DUS2: variants seen among roughly 807,000 people sequenced by gnomAD.
The protein encoded by DUS2 is dihydrouridine synthase 2.
DUS2 carries 52 observed loss-of-function variants against 71.3 expected under a neutral mutation model. The ratio of observed to expected loss-of-function variants is 0.73; its 90% CI spans 0.58 to 0.92. The LOEUF (loss-of-function observed/expected upper bound fraction) is 0.92, where lower values mean the gene tolerates loss of function less well. DUS2 is among the 40% of genes least tolerant of loss of function. The probability of loss-of-function intolerance (pLI) is 0.00; values close to 1 mark genes in which losing one functional copy is unlikely to be tolerated. For synonymous variants in DUS2, 204 were observed against 227.8 expected (o/e 0.90, Z 0.94); for missense variants, 558 against 622.6 (o/e 0.90, Z 1.10).
At chr16:68,059,837 A>G (rs963775570) in intron 7 of DUS2, among the ~76,000 whole-genome samples, 6 of 152,192 alleles carry the variant, frequency 3.9e-5, no homozygotes, top group African/African-American at 1.4e-4. Flanking sequence ...AATTAATACC[A>G]TTGTCTAGAA....
At chr16:68,074,443 C>T (rs1322245662) in intron 13 of DUS2, among the ~76,000 whole-genome samples, 4 of 152,200 alleles carry the variant, frequency 2.6e-5, no homozygotes, top group African/African-American at 9.7e-5. Context: ...GGCCAGGCCC[C>T]CAGGAACCAG....
At chr16:68,061,273 T>A (rs932506285) in intron 8 of DUS2, among the ~76,000 whole-genome samples, 160 bp downstream of exon 8, 1 of 152,202 alleles carries the variant, frequency 6.6e-6, no homozygotes. Flanking sequence ...GATTTTGACA[T>A]GCAGCTAAGT....
chr16:68,023,291 T>C lies in DUS2; in HGVS notation c.-159T>C. 1.4e-6 allele frequency: 2 copies of C among 1,417,086 alleles called. No homozygotes were observed. The highest frequency in any genetic ancestry group is 9.5e-7 in the Non-Finnish European group (1 of 1,051,712). 87.8% of individuals were successfully genotyped at this position (1,417,086 alleles called of 1,614,324 possible). A position where few individuals can be genotyped will look rare whatever the true frequency, so the allele number is the denominator to read the frequency against. On this transcript the variant is annotated 5_prime_UTR_variant, in exon 1 of 17. Transcript: ENST00000565263. ...CGGTGGCTGGCGAGGCTCAGTACGG[T>C]GTGTGGAGCTGGAGCACCGTGAGGA...
At chr16:68,040,562 G>T (rs1390023633) in intron 3 of DUS2, among the ~76,000 whole-genome samples, 2 of 152,186 alleles carry the variant, frequency 1.3e-5, no homozygotes, top group African/African-American at 4.8e-5. Context: ...TGTTAGCATT[G>T]TTTGATGTGC....
intron 13 of DUS2, among the ~76,000 whole-genome samples, chr16:68,075,013 G>A (rs2034137830): frequency 2.0e-5 from 3 of 152,178 alleles, no homozygotes. Context: ...GGGCCCATGT[G>A]CTTGATCAGC....
chr16:68,035,927 T>TATATATAC (rs2033517509), intron 2 of DUS2, among the ~76,000 whole-genome samples: 1 of 106,798 alleles, frequency 9.4e-6, no homozygotes, highest in African/African-American at 3.9e-5. Flanking sequence ...TATATATATA[T>TATATATAC]ATACACACAT....
chr16:68,025,536 C>G (rs930653819), intron 2 of DUS2, 42 bp downstream of exon 2: 1 of 151,976 alleles, frequency 6.6e-6, no homozygotes, highest in African/African-American at 2.4e-5. Flanking sequence ...GTTCAAATAT[C>G]CAGGGTAGGG....
At chr16:68,041,655 A>G (rs1485247716) in intron 3 of DUS2, among the ~76,000 whole-genome samples, 3 of 152,052 alleles carry the variant, frequency 2.0e-5, no homozygotes, top group Non-Finnish European at 4.4e-5. Flanking sequence ...TCTACTAAAA[A>G]TACAAATTTA....
intron 4 of DUS2, among the ~76,000 whole-genome samples, chr16:68,052,157 C>T (rs746381067): frequency 3.9e-5 from 6 of 152,196 alleles, no homozygotes; most frequent in South Asian, 2.1e-4. Context: ...CCACCCGCCT[C>T]GGCCTCCCAA....
rs375156758 is a variant in DUS2, at chr16:68,071,112, C to T, written c.810+4C>T. 2.5e-5 allele frequency: 40 copies of T among 1,613,328 alleles called. 1 individual carries two copies. The South Asian group carries it at 3.2e-4, about 13-fold the overall frequency. ...CATGCAGAAATACATCAGATACGTA[C>T]GTCTCTGTACTTTTTCAAAACAAGC... On this transcript the variant is annotated splice_donor_region_variant and intron_variant, in intron 12 of 16. Transcript: ENST00000565263.
rs552967903 is a variant in DUS2, at chr16:68,031,561, C to G, written c.-19+6067C>G. ...TCACCAGATGTACTTGTGGCTTGCCCTTCTGTGCATCCTGGATTATAATCC... is the reference window on the plus strand; with the variant it reads ...TCACCAGATGTACTTGTGGCTTGCCGTTCTGTGCATCCTGGATTATAATCC... On this transcript the variant is annotated intron_variant, in intron 2 of 16. Coordinates refer to ENST00000565263, the MANE Select transcript of DUS2 (RefSeq NM_017803.5). Among the ~76,000 whole-genome samples, 11 of 152,278 alleles carry G rather than the reference C, an allele frequency of 7.2e-5. No individual in the cohort carries two copies. The East Asian group carries it at 2.1e-3, about 29-fold the overall frequency.
At chr16:68,042,474 A>G (rs1051151638) in intron 3 of DUS2, among the ~76,000 whole-genome samples, 1 of 152,050 alleles carries the variant, frequency 6.6e-6, no homozygotes, top group Admixed American at 6.6e-5. Flanking sequence ...TCATTTTACA[A>G]TCCCACTAAC....
At chr16:68,057,795 C>T (rs1186843504) in intron 7 of DUS2, among the ~76,000 whole-genome samples, 1 of 149,400 alleles carries the variant, frequency 6.7e-6, no homozygotes, top group East Asian at 2.0e-4. Flanking sequence ...GCAGGAGAAT[C>T]GCTTGAACCT....
At chr16:68,068,029 A>G (rs538117981) in intron 10 of DUS2, among the ~76,000 whole-genome samples, 1 of 152,276 alleles carries the variant, frequency 6.6e-6, no homozygotes, top group East Asian at 1.9e-4. Flanking sequence ...TGACTAAACA[A>G]TCCTTCTAGC....
intron 14 of DUS2, 77 bp downstream of exon 14, chr16:68,075,581 T>C: frequency 3.5e-6 from 5 of 1,410,948 alleles, no homozygotes; most frequent in Non-Finnish European, 4.7e-6. Context: ...CACTGGCTGC[T>C]GTATGTGCTT....
chr16:68,074,242 C>T (rs950289662), intron 13 of DUS2, 87 bp downstream of exon 13: 3 of 1,517,258 alleles, frequency 2.0e-6, no homozygotes, highest in Non-Finnish European at 2.7e-6. Context: ...ACCAGGGGAC[C>T]AGGGACACAG....
At chr16:68,049,630 GAC>G in intron 4 of DUS2, 80 bp downstream of exon 4, 1 of 1,350,958 alleles carries the variant, frequency 7.4e-7, no homozygotes, top group Non-Finnish European at 1.1e-6. Flanking sequence ...TGCCTGGGGT[GAC>G]AGTGTCTTGC....
rs371314679 is a variant in DUS2 at position 68,071,026 on chromosome 16, G to A, written c.728G>A (p.Arg243Gln). 2.3e-5 allele frequency: 37 copies of A among 1,614,086 alleles called. 1 individual carries two copies. The highest frequency in any genetic ancestry group is 6.7e-5 in the African/African-American group (5 of 74,922). ...GCAGCCTCTTCCGTGATGGTGGCCC[G>A]AGCAGCCATGTGGAACCCATCTATC... ...ATAASSVMVARAAMWNPSIFL... is the reference protein window; with the variant it reads ...ATAASSVMVAQAAMWNPSIFL... The change falls in exon 12 of 17, where the codon CGA becomes CAA. Residue 243 changes from arginine (R) to glutamine (Q), a missense_variant. Coordinates refer to ENST00000565263, the MANE Select transcript of DUS2 (RefSeq NM_017803.5).
At chr16:68,075,283 C>G (rs2151426875) in intron 13 of DUS2, 72 bp from the exon 14 acceptor site, 1 of 1,425,788 alleles carries the variant, frequency 7.0e-7, no homozygotes, top group Non-Finnish European at 9.3e-7. Context: ...GTGGTGGGGC[C>G]CTGGGGTCCT....
Sources: gnomAD v4.1 joint callset for allele counts (sites outside exome capture counted in the v4.1 genomes callset) on GRCh38, gnomAD v4.1.1 for gene constraint, MANE v1.5 for transcripts, NCBI Gene and HGNC (gene_info 2026-07-23, HGNC 2026-07-21) for gene names.